Variants in NDST1 observed in about 807,000 individuals in gnomAD.
NDST1 encodes the protein bifunctional heparan sulfate N-deacetylase/N-sulfotransferase 1.
NDST1 carries 35 observed loss-of-function variants against 92.8 expected under a neutral mutation model. The observed-to-expected ratio is 0.38, with a 90% CI of 0.29 to 0.50. The LOEUF (loss-of-function observed/expected upper bound fraction) is 0.50. NDST1 is among the 20% of genes least tolerant of loss of function. The pLI is 0.94. For missense variants in NDST1, 822 were observed against 1,182.7 expected (o/e 0.69, Z 4.47); for synonymous variants, 493 against 500.3 (o/e 0.99, Z 0.19).
At chr5:150,517,975 AG>A (rs1754058614) in intron 1 of NDST1, among the ~76,000 whole-genome samples, 2 of 152,242 alleles carry the variant, frequency 1.3e-5, no homozygotes, top group African/African-American at 4.8e-5. Context: ...CTGCGGCCAC[AG>A]GCTGCCCTTA....
intron 1 of NDST1, among the ~76,000 whole-genome samples, chr5:150,518,599 A>G (rs944866233): frequency 1.3e-5 from 2 of 152,206 alleles, no homozygotes; most frequent in Non-Finnish European, 2.9e-5. Flanking sequence ...TGCATTTAGC[A>G]CCAGTTTCTA....
At chr5:150,516,193 T>C (rs1753957271) in intron 1 of NDST1, among the ~76,000 whole-genome samples, 2 of 152,172 alleles carry the variant, frequency 1.3e-5, no homozygotes, top group African/African-American at 2.4e-5. Flanking sequence ...AATAAGTGTG[T>C]GTGGTGCCTG....
At chr5:150,551,645 C>A in intron 13 of NDST1, 108 bp from the exon 14 acceptor site, 1 of 1,374,328 alleles carries the variant, frequency 7.3e-7, no homozygotes, top group Non-Finnish European at 1.0e-6. Context: ...GGTTCAAGAG[C>A]AGTAGATTCC....
chr5:150,545,599 C>A, intron 11 of NDST1, 113 bp downstream of exon 11: 1 of 1,356,220 alleles, frequency 7.4e-7, no homozygotes, highest in East Asian at 2.3e-5. Flanking sequence ...TGTGCCAGCC[C>A]TGAGCCAGGC....
At chr5:150,548,516 G>A (rs939139108) in intron 12 of NDST1, 128 bp downstream of exon 12, 28 of 979,256 alleles carry the variant, frequency 2.9e-5, no homozygotes, top group Non-Finnish European at 4.1e-5. Flanking sequence ...CTAGACCCTT[G>A]GGTCTATAAA....
intron 14 of NDST1, 105 bp downstream of exon 14, chr5:150,551,960 T>C: frequency 1.3e-6 from 2 of 1,517,724 alleles, no homozygotes; most frequent in South Asian, 1.2e-5. Flanking sequence ...AGCATGTTCA[T>C]GGCCTTAGCA....
At chr5:150,518,297 T>A (rs1210657103) in intron 1 of NDST1, among the ~76,000 whole-genome samples, 1 of 144,468 alleles carries the variant, frequency 6.9e-6, no homozygotes, top group African/African-American at 2.6e-5. Flanking sequence ...CAAACCCCCA[T>A]CCCATCCCCG....
rs1214907881 is a variant in NDST1, at chr5:150,548,373, C to A, written c.2301C>A (p.Ala767=). ...CCCACATCGAGCGCTGGCTCAGTGC[C>A]TATCACGCCAACCAGGTAGCTGCTG... ...YATHIERWLS[A]YHANQILVLD... The change falls in exon 12 of 15, where the codon GCC becomes GCA. Residue 767 remains alanine, a synonymous_variant. Transcript: ENST00000261797. 1.2e-6 allele frequency: 2 copies of A among 1,612,272 alleles called. No individual in the cohort carries two copies. The highest frequency in any genetic ancestry group is 1.7e-6 in the Non-Finnish European group (2 of 1,180,032).
intron 6 of NDST1, among the ~76,000 whole-genome samples, chr5:150,536,864 C>G (rs997708667): frequency 3.9e-5 from 6 of 152,242 alleles, no homozygotes; most frequent in African/African-American, 1.4e-4. Context: ...CTGTGCCCAG[C>G]CTCACATCTA....
chr5:150,553,442 G>A lies in NDST1; in HGVS notation c.*110G>A. 3 of 1,441,268 alleles carry A rather than the reference G, an allele frequency of 2.1e-6. No individual in the cohort carries two copies. Among genetic ancestry groups the A allele is most frequent in the South Asian group, 2.3e-5 (2 of 87,262 alleles). The allele number at this position is 1,441,268 out of a possible 1,614,324, so 89.3% of individuals were successfully genotyped here. A position where few individuals can be genotyped will look rare whatever the true frequency, so the allele number is the denominator to read the frequency against. ...TGGACCAGGGCAGCTGCGCACTTAT[G>A]AGCAATACTCTGTGGAGGTCTGGTG... is the stretch of plus-strand genomic sequence containing the variant. On this transcript the variant is annotated 3_prime_UTR_variant, in exon 15 of 15. Transcript: ENST00000261797. This position sits in a 1 kb window ranked among gnomAD's most constrained non-coding sequence, Gnocchi z 4.2.
intron 10 of NDST1, among the ~76,000 whole-genome samples, chr5:150,543,299 A>G (rs1755330142): frequency 6.6e-6 from 1 of 152,194 alleles, no homozygotes; most frequent in South Asian, 2.1e-4. Context: ...TCGGAAATCC[A>G]AATGTTCTGG....
chr5:150,539,959 GTAAC>G, intron 7 of NDST1, 119 bp from the exon 8 acceptor site: 1 of 1,360,580 alleles, frequency 7.3e-7, no homozygotes, highest in Non-Finnish European at 1.0e-6. Context: ...CAGCGCCAGC[GTAAC>G]TTCCACTGGT....
rs1755841389 is a variant in NDST1 at position 150,554,990 on chromosome 5, C to T, written c.*1658C>T. The T allele has an allele frequency of 6.6e-6, 1 of 152,616 alleles. No homozygotes were observed. The highest frequency in any genetic ancestry group is 2.4e-5 in the African/African-American group (1 of 41,452). The allele number at this position is 152,616 out of a possible 1,614,324, so 9.5% of individuals were successfully genotyped here. A position where few individuals can be genotyped will look rare whatever the true frequency, so the allele number is the denominator to read the frequency against. ...GCTTGTCTTGTTCAGAAGACTCTAG[C>T]ATCTTGGGGCTGGAAGGTCCTTTGA... On this transcript the variant is annotated 3_prime_UTR_variant, in exon 15 of 15. Transcript: ENST00000261797.
chr5:150,501,622 A>G (rs1018645425), intron 1 of NDST1, among the ~76,000 whole-genome samples: 1 of 152,200 alleles, frequency 6.6e-6, no homozygotes, highest in African/African-American at 2.4e-5. Context: ...TGAGGGAGAC[A>G]ATAGTCCCTC....
At chr5:150,552,062 T>C (rs1008058364) in intron 14 of NDST1, among the ~76,000 whole-genome samples, 9 of 152,222 alleles carry the variant, frequency 5.9e-5, no homozygotes, top group African/African-American at 2.2e-4. Context: ...GGTTACCTTC[T>C]ACTAAGGGCT....
intron 3 of NDST1, 26 bp downstream of exon 3, chr5:150,528,324 C>A (rs1041811146): frequency 3.2e-6 from 5 of 1,561,090 alleles, no homozygotes; most frequent in Non-Finnish European, 4.4e-6. Flanking sequence ...CTAGACCGGG[C>A]AAGGCAGGTG....
chr5:150,530,536 T>C (rs866323550), intron 3 of NDST1, among the ~76,000 whole-genome samples: 142 of 151,948 alleles, frequency 9.3e-4, no homozygotes, highest in Middle Eastern at 3.4e-3. Flanking sequence ...TTCTCTCTCT[T>C]ATTAATTTTC....
intron 1 of NDST1, among the ~76,000 whole-genome samples, chr5:150,517,618 ATT>A (rs953618256): frequency 1.3e-5 from 2 of 152,096 alleles, no homozygotes; most frequent in African/African-American, 4.8e-5. Context: ...TGCCAAAAAA[ATT>A]TTCTTTGCTC....
At position 150,534,884 on chromosome 5, in the gene NDST1, G is replaced by A. The variant is rs377365968; in HGVS notation, c.1114G>A (p.Ala372Thr). The stretch of plus-strand genomic sequence containing the variant: ...TGCTGCAGGTACCAATGCTGAGGAC[G>A]CTGGGGATGATCTGCTGCTGTCGTA... ...FFHTGTNAED[A>T]GDDLLLSYVK... The change falls in exon 5 of 15, where the codon GCT becomes ACT. Residue 372 changes from alanine (A) to threonine (T), a missense_variant. Physicochemically the swap from Ala to Thr is moderately conservative, Grantham distance 58. Coordinates refer to ENST00000261797, the MANE Select transcript of NDST1 (RefSeq NM_001543.5). The A allele has an allele frequency of 1.2e-5, 20 of 1,614,152 alleles. No homozygotes were observed. The highest frequency in any genetic ancestry group is 3.3e-5 in the South Asian group (3 of 91,094).
Sources: allele counts gnomAD v4.1 joint callset (sites outside exome capture counted in the v4.1 genomes callset), GRCh38; gene constraint gnomAD v4.1.1; non-coding constraint Gnocchi (gnomAD v3.1); transcripts MANE v1.5; gene names NCBI Gene and HGNC (gene_info 2026-07-23, HGNC 2026-07-21).